The following ATRNL1 variants were observed in gnomAD, a reference collection of about 807,000 sequenced individuals.
ATRNL1 encodes attractin like 1, also known as attractin-like protein 1.
A neutral mutation model predicts 182.7 loss-of-function variants in ATRNL1; 95 were observed. The observed-to-expected ratio is 0.52, with a 90% CI of 0.44 to 0.62. The LOEUF (loss-of-function observed/expected upper bound fraction) is 0.62. ATRNL1 is among the 20% of genes least tolerant of loss of function. The pLI is 0.00. For synonymous variants in ATRNL1, 576 were observed against 568.3 expected, an observed-to-expected ratio of 1.01 and a Z score of -0.19; for missense variants, 1,471 against 1,679.5, an observed-to-expected ratio of 0.88 and a Z score of 2.17.
intron 5 of ATRNL1, among the ~76,000 whole-genome samples, chr10:115,129,921 G>A (rs1262799017): frequency 6.6e-6 from 1 of 152,134 alleles, no homozygotes; most frequent in African/African-American, 2.4e-5. Flanking sequence ...AAAAATAAAT[G>A]TTCAAAGGGA....
chr10:115,216,183 C>T (rs1849223230), intron 9 of ATRNL1, among the ~76,000 whole-genome samples: 1 of 152,108 alleles, frequency 6.6e-6, no homozygotes, highest in African/African-American at 2.4e-5. Context: ...AAATTTTCAC[C>T]TTTTGTTGTT....
At chr10:115,625,478 C>T (rs1244200412) in intron 26 of ATRNL1, among the ~76,000 whole-genome samples, 4 of 152,052 alleles carry the variant, frequency 2.6e-5, no homozygotes, top group Non-Finnish European at 5.9e-5. Context: ...AGAAAAATCA[C>T]TATTGTTGCT....
At chr10:115,333,210 T>C (rs1554935603) in intron 18 of ATRNL1, among the ~76,000 whole-genome samples, 1 of 152,152 alleles carries the variant, frequency 6.6e-6, no homozygotes, top group Admixed American at 6.5e-5. Context: ...ATTAAGATGA[T>C]TTTTGGCCAA....
At position 115,463,709 on chromosome 10, in the gene ATRNL1, T is replaced by G. The variant is rs567225409; in HGVS notation, c.3417+1674T>G. On this transcript the variant is annotated intron_variant, in intron 22 of 28. Transcript: ENST00000355044. ...TGGTATCTTTATTCTACTCTCTGCCTGTATTAATTGGCTTACTCTAGGTAC... is the reference window on the plus strand; with the variant it reads ...TGGTATCTTTATTCTACTCTCTGCCGGTATTAATTGGCTTACTCTAGGTAC... 3.3e-5 allele frequency among the ~76,000 whole-genome samples: 5 copies of G among 152,234 alleles called. No individual in the cohort carries two copies. In the South Asian group the frequency reaches 1.0e-3, roughly 32 times the overall value.
In ATRNL1 at chr10:115,765,816, A is replaced by C. The variant is rs188890706; in HGVS notation, c.3903+38461A>C. Among the ~76,000 whole-genome samples, 184 of 152,260 alleles carry C rather than the reference A, an allele frequency of 1.2e-3. 1 individual carries two copies. Among genetic ancestry groups the C allele is most frequent in the East Asian group, 5.8e-4 (3 of 5,184 alleles). On this transcript the variant is annotated intron_variant, in intron 27 of 28. Transcript: ENST00000355044. ...ATTCATTTTGAGTTAATTTTTGTGG[A>C]GGGTACTACCTCACTTGTAATGGCT...
chr10:115,329,516 A>G (rs985570789), intron 18 of ATRNL1, among the ~76,000 whole-genome samples: 6 of 151,624 alleles, frequency 4.0e-5, no homozygotes, highest in African/African-American at 1.2e-4. Context: ...TGCTTTCTAT[A>G]CCTCCCTTTG....
chr10:115,599,770 C>A (rs183370472), intron 26 of ATRNL1, among the ~76,000 whole-genome samples: 1 of 152,224 alleles, frequency 6.6e-6, no homozygotes, highest in Non-Finnish European at 1.5e-5. Context: ...CACCCACTGT[C>A]TACACTACGA....
At chr10:115,471,264 G>A (rs1848299264) in intron 24 of ATRNL1, among the ~76,000 whole-genome samples, 1 of 150,864 alleles carries the variant, frequency 6.6e-6, no homozygotes, top group Admixed American at 6.6e-5. Context: ...GACACAGCTT[G>A]CTTCTGTATC....
chr10:115,623,538 C>G (rs575207852), intron 26 of ATRNL1, among the ~76,000 whole-genome samples: 1 of 152,084 alleles, frequency 6.6e-6, no homozygotes, highest in Admixed American at 6.5e-5. Flanking sequence ...AAAACAAATA[C>G]AAAAGCTGAA....
chr10:115,501,859 T>C (rs1047571389), intron 24 of ATRNL1, among the ~76,000 whole-genome samples: 27 of 152,180 alleles, frequency 1.8e-4, no homozygotes, highest in Admixed American at 5.2e-4. Flanking sequence ...ACATATCAGC[T>C]CTCCCTGTGT....
chr10:115,191,330 C>G (rs1305292199), intron 8 of ATRNL1, among the ~76,000 whole-genome samples: 1 of 152,080 alleles, frequency 6.6e-6, no homozygotes, highest in Non-Finnish European at 1.5e-5. Context: ...TATGTTCTCA[C>G]CGGCAGTGTA....
At chr10:115,601,696 C>T (rs1856600833) in intron 26 of ATRNL1, among the ~76,000 whole-genome samples, 1 of 152,086 alleles carries the variant, frequency 6.6e-6, no homozygotes, top group African/African-American at 2.4e-5. Flanking sequence ...GCTTTTTATG[C>T]TTAATATTTG....
chr10:115,551,819 T>A (rs1252538124), intron 26 of ATRNL1, among the ~76,000 whole-genome samples: 1 of 151,420 alleles, frequency 6.6e-6, no homozygotes, highest in Non-Finnish European at 1.5e-5. Context: ...TTGTCCCCCC[T>A]TATCCATAGT....
chr10:115,646,151 C>A (rs1218418963), intron 26 of ATRNL1, among the ~76,000 whole-genome samples: 1 of 150,892 alleles, frequency 6.6e-6, no homozygotes, highest in African/African-American at 2.4e-5. Flanking sequence ...ATTGAAAGAG[C>A]CTTAAAATTA....
At chr10:115,137,560 C>T (rs1385417097) in intron 5 of ATRNL1, among the ~76,000 whole-genome samples, 2 of 152,202 alleles carry the variant, frequency 1.3e-5, no homozygotes, top group Non-Finnish European at 1.5e-5. Context: ...GAAGGCATGT[C>T]TCACATGGCA....
intron 26 of ATRNL1, among the ~76,000 whole-genome samples, chr10:115,550,953 A>G (rs1241980659): frequency 4.0e-5 from 6 of 151,784 alleles, no homozygotes; most frequent in Admixed American, 3.9e-4. Context: ...TCTAAAATTT[A>G]TAAAATGCAT....
At chr10:115,355,785 G>A (rs781847156) in intron 19 of ATRNL1, among the ~76,000 whole-genome samples, 37 of 151,852 alleles carry the variant, frequency 2.4e-4, no homozygotes, top group South Asian at 1.7e-3. Flanking sequence ...TTTGTAATTG[G>A]TAATGTCTGT....
chr10:115,136,798 T>C (rs547101136), intron 5 of ATRNL1, among the ~76,000 whole-genome samples: 1 of 152,358 alleles, frequency 6.6e-6, no homozygotes, highest in East Asian at 1.9e-4. Flanking sequence ...CACTGAATAA[T>C]ATTCCATTAT....
At chr10:115,116,549 A>G (rs1844493302) in intron 1 of ATRNL1, among the ~76,000 whole-genome samples, 1 of 152,110 alleles carries the variant, frequency 6.6e-6, no homozygotes, top group African/African-American at 2.4e-5. Context: ...AGAGGTCCAA[A>G]GTATGTAATG....
Sources: gnomAD v4.1 joint callset for allele counts (sites outside exome capture counted in the v4.1 genomes callset) on GRCh38, gnomAD v4.1.1 for gene constraint, MANE v1.5 for transcripts, NCBI Gene and HGNC (gene_info 2026-07-23, HGNC 2026-07-21) for gene names.